SLC22A12: variants seen among roughly 807,000 people sequenced by gnomAD.
The protein encoded by SLC22A12 is organic anion transporter 4-like protein.
In SLC22A12, 56 loss-of-function variants were observed where a neutral mutation model predicts 52.7. The observed-to-expected ratio is 1.06, with a 90% CI of 0.86 to 1.33. SLC22A12 has a LOEUF of 1.33. Among genes scored for constraint, SLC22A12 ranks in the 40% most tolerant of loss-of-function variants. The pLI is 0.00. For synonymous variants in SLC22A12, 337 were observed against 324.6 expected, an observed-to-expected ratio of 1.04 and a Z score of -0.41; for missense variants, 683 against 741.5, an observed-to-expected ratio of 0.92 and a Z score of 0.92.
At chr11:64,593,914 G>T in intron 4 of SLC22A12, 111 bp downstream of exon 4, 1 of 1,430,590 alleles carries the variant, frequency 7.0e-7, no homozygotes, top group African/African-American at 1.4e-5. Context: ...GAGGCCAGGG[G>T]TGCATGGGCT....
chr11:64,591,853 G>A lies in SLC22A12; in HGVS notation c.297G>A (p.Leu99=), dbSNP rs1565132710. 1.9e-6 allele frequency: 3 copies of A among 1,612,520 alleles called. No individual in the cohort carries two copies. In the South Asian group the frequency reaches 3.3e-5, roughly 18 times the overall value. Residue 99 remains leucine, a synonymous_variant, in exon 1 of 10, where the codon TTG becomes TTA. Coordinates refer to ENST00000377574, the MANE Select transcript of SLC22A12 (RefSeq NM_144585.4). ...TCCGCCAGCCACAGTGGCAGCTCTTGGACCCCAATGCCACGGCCACCAGCT... is the reference window on the plus strand; with the variant it reads ...TCCGCCAGCCACAGTGGCAGCTCTTAGACCCCAATGCCACGGCCACCAGCT... ...RRFRQPQWQL[L]DPNATATSWS... is the part of the protein sequence containing the mutation.
At position 64,595,674 on chromosome 11, in the gene SLC22A12, A is replaced by AGATG. The variant is rs544391085; in HGVS notation, c.830+1885_830+1888dup. Among the ~76,000 whole-genome samples the AGATG allele has an allele frequency of 2.2e-4, 26 of 120,394 alleles. No individual in the cohort carries two copies. In the East Asian group the frequency reaches 4.8e-3, roughly 22 times the overall value. The allele number at this position is 120,394 out of a possible 152,430, so 79.0% of individuals were successfully genotyped here. A position where few individuals can be genotyped will look rare whatever the true frequency, so the allele number is the denominator to read the frequency against. ...GAATGAAAGGATGGATGGTTGTAATAGATGGATGGATGGATGGTTGGAATA... is the reference window on the plus strand; with the variant it reads ...GAATGAAAGGATGGATGGTTGTAATAGATGGATGGATGGATGGATGGTTGGAATA... On this transcript the variant is annotated intron_variant, in intron 4 of 9. Coordinates refer to ENST00000377574, the MANE Select transcript of SLC22A12 (RefSeq NM_144585.4).
Position 64,600,818 on chromosome 11 carries a change from G to GC in SLC22A12, c.1482dup (p.Trp495LeufsTer111). 1 of 1,606,822 alleles carries GC rather than the reference G, an allele frequency of 6.2e-7. No individual in the cohort carries two copies. Among genetic ancestry groups the GC allele is most frequent in the Non-Finnish European group, 8.5e-7 (1 of 1,179,966 alleles). On this transcript the variant is annotated frameshift_variant, in exon 9 of 10. Transcript: ENST00000377574. LOFTEE classifies it high-confidence loss of function. The stretch of plus-strand genomic sequence containing the variant: ...CTGGTCCGGCTGCTGGGTGTCCATG[G>GC]CCCCTGGCTGCCCTTGCTGGTGTAT...
intron 9 of SLC22A12, 133 bp downstream of exon 9, chr11:64,601,071 T>A (rs1286808604): frequency 8.4e-7 from 1 of 1,193,992 alleles, no homozygotes; most frequent in African/African-American, 1.5e-5. Context: ...TGGCCCAGAG[T>A]CACACAGTAC....
At chr11:64,598,180 C>G (rs531809883) in intron 4 of SLC22A12, among the ~76,000 whole-genome samples, 3 of 152,018 alleles carry the variant, frequency 2.0e-5, no homozygotes, top group Non-Finnish European at 4.4e-5. Context: ...GCAACCAGGC[C>G]GGGTTCCTAG....
In SLC22A12 at chr11:64,599,774, T is replaced by A. The variant is rs777490562; in HGVS notation, c.1169T>A (p.Ile390Asn). Reference protein sequence around the residue: ...LLQMFIGVVDIPAKMGALLLL... With the variant: ...LLQMFIGVVDNPAKMGALLLL... The stretch of plus-strand genomic sequence containing the variant: ...CAAATGTTCATTGGTGTCGTGGACA[T>A]CCCAGCCAAGATGGGCGCCCTGCTG... Residue 390 changes from isoleucine to asparagine, a missense_variant, in exon 7 of 10, where the codon ATC (isoleucine) becomes AAC (asparagine). Transcript: ENST00000377574. 6.2e-7 allele frequency: 1 copy of A among 1,612,262 alleles called. No individual in the cohort carries two copies. Among genetic ancestry groups the A allele is most frequent in the South Asian group, 1.1e-5 (1 of 91,048 alleles).
At chr11:64,601,388 C>G (rs964316765) in intron 9 of SLC22A12, 100 bp from the exon 10 acceptor site, 1 of 1,230,026 alleles carries the variant, frequency 8.1e-7, no homozygotes, top group African/African-American at 1.5e-5. Flanking sequence ...CCCCCGAGAG[C>G]AGGGTGGTGG....
intron 1 of SLC22A12, among the ~76,000 whole-genome samples, chr11:64,592,474 G>A (rs2038950149): frequency 2.6e-5 from 4 of 152,170 alleles, no homozygotes; most frequent in Admixed American, 2.6e-4. Flanking sequence ...AGGGGTGAGG[G>A]TGTCAGCTTG....
At chr11:64,597,972 G>T (rs1056618906) in intron 4 of SLC22A12, among the ~76,000 whole-genome samples, 1 of 152,122 alleles carries the variant, frequency 6.6e-6, no homozygotes, top group African/African-American at 2.4e-5. Flanking sequence ...TGGTGCTGTT[G>T]GGGACCCTGG....
intron 5 of SLC22A12, 49 bp downstream of exon 5, chr11:64,598,688 C>T: frequency 1.2e-6 from 2 of 1,600,490 alleles, no homozygotes; most frequent in Non-Finnish European, 1.7e-6. Flanking sequence ...CTCTCCCTGC[C>T]CCTGCATAGG....
chr11:64,598,914 C>T lies in SLC22A12; in HGVS notation c.1061C>T (p.Thr354Met), dbSNP rs371005496. 29 of 1,612,834 alleles carry T rather than the reference C, an allele frequency of 1.8e-5. No individual in the cohort carries two copies. The highest frequency in any genetic ancestry group is 4.0e-5 in the African/African-American group (3 of 75,070). The change falls in exon 6 of 10, where the codon ACG becomes ATG. Residue 354 changes from threonine (T) to methionine (M), a missense_variant. Transcript: ENST00000377574. ...PGLRFRTCIS[T>M]LCWFAFGFTF... ...CTGCGCTTCCGGACCTGTATCTCCA[C>T]GTTGTGCTGGTAGATGCCCTTCCCC...
chr11:64,596,265 T>C (rs201703242), intron 4 of SLC22A12, among the ~76,000 whole-genome samples: 1 of 68,792 alleles, frequency 1.5e-5, no homozygotes. Context: ...GATGGATGGA[T>C]GGATGGATGG....
At chr11:64,596,735 C>T (rs2039259165) in intron 4 of SLC22A12, among the ~76,000 whole-genome samples, 1 of 152,160 alleles carries the variant, frequency 6.6e-6, no homozygotes, top group South Asian at 2.1e-4. Flanking sequence ...GCAATCGTGT[C>T]CGACAAGAGC....
At position 64,591,752 on chromosome 11, in the gene SLC22A12, A is replaced by AT; in HGVS notation, c.196_197insT (p.Ser66MetfsTer5). 1.2e-6 allele frequency: 2 copies of AT among 1,612,944 alleles called. No individual in the cohort carries two copies. Among genetic ancestry groups the AT allele is most frequent in the Admixed American group, 3.3e-5 (2 of 60,022 alleles). ...CACGGCTCAGGCCAGCATCCTAGGG[A>AT]GCTTGAGTCCTGAGGCCCTCCTGGC... is the stretch of plus-strand genomic sequence containing the variant. On this transcript the variant is annotated frameshift_variant, in exon 1 of 10. Coordinates refer to ENST00000377574, the MANE Select transcript of SLC22A12 (RefSeq NM_144585.4). LOFTEE classifies it high-confidence loss of function.
At chr11:64,600,987 C>G (rs958937788) in intron 9 of SLC22A12, 49 bp downstream of exon 9, 6 of 1,597,434 alleles carry the variant, frequency 3.8e-6, no homozygotes, top group Non-Finnish European at 5.1e-6. Context: ...CCAGAGAACC[C>G]TAGCACAGGG....
rs370100606 is a variant in SLC22A12 at position 64,599,836 on chromosome 11, G to T, written c.1231G>T (p.Ala411Ser). The T allele has an allele frequency of 2.5e-6, 4 of 1,612,844 alleles. No individual in the cohort carries two copies. Among genetic ancestry groups the T allele is most frequent in the African/African-American group, 1.3e-5 (1 of 75,002 alleles). Reference protein sequence around the residue: ...SHLGRRPTLAASLLLAGLCIL... With the variant: ...SHLGRRPTLASSLLLAGLCIL... ...CCTGGGCCGCCGCCCCACGCTGGCC[G>T]CATCCCTGTTGCTGGCAGGGCTCTG... The change falls in exon 7 of 10, where the codon GCA becomes TCA. Residue 411 changes from alanine (A) to serine (S), a missense_variant. By Grantham distance (99) the Ala-to-Ser change is moderately conservative. Coordinates refer to ENST00000377574, the MANE Select transcript of SLC22A12 (RefSeq NM_144585.4).
At position 64,593,430 on chromosome 11, in the gene SLC22A12, T is replaced by C; in HGVS notation, c.532T>C (p.Trp178Arg). 1 of 1,614,168 alleles carries C rather than the reference T, an allele frequency of 6.2e-7. No individual in the cohort carries two copies. The highest frequency in any genetic ancestry group is 1.1e-5 in the South Asian group (1 of 91,090). The change falls in exon 3 of 10, where the codon TGG becomes CGG. Residue 178 changes from tryptophan (W) to arginine (R), a missense_variant. Coordinates refer to ENST00000377574, the MANE Select transcript of SLC22A12 (RefSeq NM_144585.4). ...GTTTGGGCGCAGGCTGGTGCTAACC[T>C]GGAGCTACCTTCAGATGGCTGTGAT... ...DRFGRRLVLT[W>R]SYLQMAVMGT...
At chr11:64,599,576 A>ACGCCCCCCCC in intron 6 of SLC22A12, 100 bp from the exon 7 acceptor site, 2 of 759,012 alleles carry the variant, frequency 2.6e-6, no homozygotes, top group East Asian at 3.5e-5. Context: ...TAAGAGCAGC[A>ACGCCCCCCCC]CACCCCCACC....
In SLC22A12 at chr11:64,601,579, T is replaced by C. The variant is rs1389570849; in HGVS notation, c.*28T>C. 1 of 1,611,628 alleles carries C rather than the reference T, an allele frequency of 6.2e-7. No homozygotes were observed. The highest frequency in any genetic ancestry group is 8.5e-7 in the Non-Finnish European group (1 of 1,178,312). On this transcript the variant is annotated 3_prime_UTR_variant, in exon 10 of 10. Coordinates refer to ENST00000377574, the MANE Select transcript of SLC22A12 (RefSeq NM_144585.4). Reference sequence around the variant, plus strand: ...TCCTGGGGAACCTGCGATGGGACGGTCAGAGGAAGAGACTTCTTCTGTTCT... The same window carrying C: ...TCCTGGGGAACCTGCGATGGGACGGCCAGAGGAAGAGACTTCTTCTGTTCT...
Sources: allele counts gnomAD v4.1 joint callset (sites outside exome capture counted in the v4.1 genomes callset), GRCh38; gene constraint gnomAD v4.1.1; transcripts MANE v1.5; gene names NCBI Gene and HGNC (gene_info 2026-07-23, HGNC 2026-07-21).